The following PEX5L variants were observed in gnomAD, a reference collection of about 807,000 sequenced individuals.
PEX5L encodes PEX5-related protein.
A neutral mutation model predicts 84.0 loss-of-function variants in PEX5L; 30 were observed. The ratio of observed to expected loss-of-function variants is 0.36; its 90% confidence interval spans 0.27 to 0.48. The LOEUF is 0.48. PEX5L is among the 20% of genes least tolerant of loss of function. PEX5L has a pLI of 0.99. For synonymous variants in PEX5L, 270 were observed against 283.1 expected (o/e 0.95, Z 0.46); for missense variants, 533 against 754.6 (o/e 0.71, Z 3.44).
intron 2 of PEX5L, among the ~76,000 whole-genome samples, chr3:179,935,166 A>T (rs1464120843): frequency 6.6e-6 from 1 of 152,202 alleles, no homozygotes; most frequent in African/African-American, 2.4e-5. Flanking sequence ...AGTCACAAAA[A>T]TGATACTTTT....
intron 8 of PEX5L, among the ~76,000 whole-genome samples, chr3:179,857,079 GA>G (rs1395108413): frequency 6.6e-6 from 1 of 152,162 alleles, no homozygotes; most frequent in Non-Finnish European, 1.5e-5. Context: ...ATAACTACTT[GA>G]AGTAACTTGA....
intron 2 of PEX5L, among the ~76,000 whole-genome samples, chr3:179,914,924 G>A (rs989029689): frequency 2.0e-5 from 3 of 151,944 alleles, no homozygotes; most frequent in Admixed American, 6.5e-5. Flanking sequence ...GTTTAGACAG[G>A]GAGAAAGGAA....
intron 2 of PEX5L, among the ~76,000 whole-genome samples, chr3:179,969,845 TC>T (rs2110221096): frequency 6.6e-6 from 1 of 152,280 alleles, no homozygotes; most frequent in East Asian, 1.9e-4. Context: ...CCTCATTTGA[TC>T]CAGGTAATAA....
intron 2 of PEX5L, among the ~76,000 whole-genome samples, chr3:179,909,551 A>T (rs1764447926): frequency 6.6e-6 from 1 of 152,310 alleles, no homozygotes; most frequent in Admixed American, 6.5e-5. Flanking sequence ...ATGTAGCCAC[A>T]AGCAGATAAT....
In PEX5L at chr3:179,798,716, G is replaced by A. The variant is rs559852220; in HGVS notation, c.*3112C>T. On this transcript the variant is annotated 3_prime_UTR_variant, in exon 15 of 15. Transcript: ENST00000467460. Reference sequence around the variant, plus strand: ...TCAGAGTACCTCAGAAGGGAAATAAGGATACCCTCCCCTTTCAAACGGAAA... The same window carrying A: ...TCAGAGTACCTCAGAAGGGAAATAAAGATACCCTCCCCTTTCAAACGGAAA... 3.3e-5 allele frequency: 5 copies of A among 152,188 alleles called. No individual in the cohort carries two copies. Among genetic ancestry groups the A allele is most frequent in the African/African-American group, 9.6e-5 (4 of 41,530 alleles). The allele number at this position is 152,188 out of a possible 1,614,324, so 9.4% of individuals were successfully genotyped here.
Position 180,029,893 on chromosome 3 carries a change from G to A in PEX5L, c.21+6686C>T, listed in dbSNP as rs138717379. 1.8e-3 allele frequency among the ~76,000 whole-genome samples: 279 copies of A among 152,308 alleles called. 2 individuals carry two copies. Among genetic ancestry groups the A allele is most frequent in the African/African-American group, 6.5e-3 (269 of 41,578 alleles). On this transcript the variant is annotated intron_variant, in intron 1 of 14. Coordinates refer to ENST00000467460, the MANE Select transcript of PEX5L (RefSeq NM_016559.3). ...ATGATCAGCAGATCACTGAGGATGG[G>A]CATGCACGTTACAGTTAACAACCAT... is the stretch of plus-strand genomic sequence containing the variant.
chr3:179,936,431 TA>T (rs1249307884), intron 2 of PEX5L, among the ~76,000 whole-genome samples: 1 of 152,200 alleles, frequency 6.6e-6, no homozygotes, highest in Non-Finnish European at 1.5e-5. Flanking sequence ...AGTGAGTTAA[TA>T]AACCCAGTAA....
intron 8 of PEX5L, among the ~76,000 whole-genome samples, chr3:179,852,164 C>A (rs1033139308): frequency 1.6e-4 from 25 of 152,256 alleles, no homozygotes; most frequent in African/African-American, 6.0e-4. Flanking sequence ...GACCTGGGGT[C>A]TTTTATGAAG....
intron 8 of PEX5L, among the ~76,000 whole-genome samples, chr3:179,822,493 G>T (rs1414014871): frequency 6.6e-6 from 1 of 152,224 alleles, no homozygotes; most frequent in African/African-American, 2.4e-5. Context: ...TAATTAAAGT[G>T]CAGAGCACAG....
intron 8 of PEX5L, among the ~76,000 whole-genome samples, chr3:179,841,749 T>A (rs1737394871): frequency 6.6e-6 from 1 of 152,238 alleles, no homozygotes; most frequent in African/African-American, 2.4e-5. Flanking sequence ...ACTGCCTTGT[T>A]TATCAACTCA....
intron 8 of PEX5L, among the ~76,000 whole-genome samples, chr3:179,856,868 G>T (rs911803751): frequency 6.6e-6 from 1 of 152,114 alleles, no homozygotes. Flanking sequence ...AAACTTACAG[G>T]GTTTTAGTAT....
At chr3:179,823,005 G>A (rs888783379) in intron 8 of PEX5L, among the ~76,000 whole-genome samples, 1 of 152,074 alleles carries the variant, frequency 6.6e-6, no homozygotes, top group African/African-American at 2.4e-5. Flanking sequence ...AGCAATTTTG[G>A]TTAGTTGTTA....
chr3:179,888,219 C>G, intron 3 of PEX5L: 2 of 1,235,330 alleles, frequency 1.6e-6, no homozygotes, highest in Non-Finnish European at 1.1e-6. Flanking sequence ...GTGGGGAGTG[C>G]AAACACACGG....
chr3:179,900,153 T>C (rs922570239), intron 2 of PEX5L, among the ~76,000 whole-genome samples: 1 of 152,212 alleles, frequency 6.6e-6, no homozygotes, highest in Non-Finnish European at 1.5e-5. Flanking sequence ...TACACTCATT[T>C]ACAGACTAAA....
rs1409078786 is a variant in PEX5L at position 179,830,150 on chromosome 3, A to G, written c.823-10174T>C. ...ATACTACCTTTTACTTTGTGGAAAT[A>G]GTATTTTCCTCTCATTCTTTCAGAA... On this transcript the variant is annotated intron_variant, in intron 8 of 14. Coordinates refer to ENST00000467460, the MANE Select transcript of PEX5L (RefSeq NM_016559.3). Among the ~76,000 whole-genome samples, 3 of 151,908 alleles carry G rather than the reference A, an allele frequency of 2.0e-5. No homozygotes were observed. In the East Asian group the frequency reaches 5.8e-4, roughly 29 times the overall value.
At chr3:179,884,166 G>A (rs990295065) in intron 4 of PEX5L, among the ~76,000 whole-genome samples, 5 of 152,086 alleles carry the variant, frequency 3.3e-5, no homozygotes, top group African/African-American at 1.2e-4. Context: ...GTAGAAAAAC[G>A]CCCCCCTCTA....
intron 1 of PEX5L, among the ~76,000 whole-genome samples, chr3:179,991,091 T>C (rs981468188): frequency 6.6e-5 from 10 of 152,178 alleles, no homozygotes; most frequent in African/African-American, 1.9e-4. Context: ...TTCCTGAGTG[T>C]AGCTGAAAAC....
chr3:179,910,553 C>A (rs1263790026), intron 2 of PEX5L, among the ~76,000 whole-genome samples: 1 of 152,126 alleles, frequency 6.6e-6, no homozygotes, highest in Non-Finnish European at 1.5e-5. Flanking sequence ...GGAAAATAAT[C>A]CTGTACCACT....
chr3:179,848,117 T>C (rs1338154416), intron 8 of PEX5L, among the ~76,000 whole-genome samples: 3 of 152,168 alleles, frequency 2.0e-5, no homozygotes, highest in Non-Finnish European at 4.4e-5. Flanking sequence ...TCCTTTTCAA[T>C]AAACAACGAG....
Sources: gnomAD v4.1 joint callset for allele counts (sites outside exome capture counted in the v4.1 genomes callset) on GRCh38, gnomAD v4.1.1 for gene constraint, MANE v1.5 for transcripts, NCBI Gene and HGNC (gene_info 2026-07-23, HGNC 2026-07-21) for gene names.